The following CACNA2D1 variants were observed in gnomAD, a reference collection of about 807,000 sequenced individuals.
CACNA2D1 encodes calcium voltage-gated channel auxiliary subunit alpha2delta 1.
A neutral mutation model predicts 171.5 loss-of-function variants in CACNA2D1; 53 were observed. The ratio of observed to expected loss-of-function variants is 0.31; its 90% CI spans 0.25 to 0.39. The LOEUF (loss-of-function observed/expected upper bound fraction) is 0.39, where lower values mean the gene tolerates loss of function less well. Among genes scored for constraint, CACNA2D1 ranks in the 10% least tolerant of loss-of-function variants. The pLI is 1.00. For synonymous variants in CACNA2D1, 442 were observed against 443.1 expected, an observed-to-expected ratio of 1.00 and a Z score of 0.03; for missense variants, 903 against 1,299.8, an observed-to-expected ratio of 0.69 and a Z score of 4.69.
At chr7:82,280,966 G>T (rs1365258441) in intron 3 of CACNA2D1, among the ~76,000 whole-genome samples, 1 of 152,098 alleles carries the variant, frequency 6.6e-6, no homozygotes, top group East Asian at 1.9e-4. Context: ...ATATCATTTG[G>T]GTTTCCTTTA....
chr7:82,087,146 G>A (rs1033443027), intron 6 of CACNA2D1, among the ~76,000 whole-genome samples: 3 of 152,032 alleles, frequency 2.0e-5, no homozygotes, highest in Non-Finnish European at 2.9e-5. Flanking sequence ...ACATCAGTAC[G>A]GTTTATAAAT....
chr7:82,142,728 C>T (rs571282561), intron 4 of CACNA2D1, among the ~76,000 whole-genome samples: 68 of 152,200 alleles, frequency 4.5e-4, no homozygotes, highest in Non-Finnish European at 8.2e-4. Flanking sequence ...GTCACTTTTA[C>T]AAAATATTGC....
intron 1 of CACNA2D1, among the ~76,000 whole-genome samples, chr7:82,372,741 T>C (rs1822549887): frequency 6.6e-6 from 1 of 152,102 alleles, no homozygotes; most frequent in African/African-American, 2.4e-5. Context: ...ATACATGATA[T>C]CACCCTGTTT....
At chr7:82,034,046 A>G (rs986736401) in intron 11 of CACNA2D1, among the ~76,000 whole-genome samples, 2 of 152,092 alleles carry the variant, frequency 1.3e-5, no homozygotes, top group East Asian at 1.9e-4. Flanking sequence ...ATTTTCTTTA[A>G]CCCAGTCATC....
At chr7:82,046,271 C>T (rs1039105782) in intron 10 of CACNA2D1, among the ~76,000 whole-genome samples, 2 of 152,126 alleles carry the variant, frequency 1.3e-5, no homozygotes, top group Admixed American at 6.5e-5. Context: ...TAATTTCTGT[C>T]GTTAATCCCT....
At chr7:82,080,920 C>T (rs1809671740) in intron 7 of CACNA2D1, among the ~76,000 whole-genome samples, 1 of 152,178 alleles carries the variant, frequency 6.6e-6, no homozygotes, top group African/African-American at 2.4e-5. Flanking sequence ...TGTAGAAATG[C>T]CTACTGTTTC....
At chr7:82,315,279 A>G (rs1814978659) in intron 3 of CACNA2D1, among the ~76,000 whole-genome samples, 1 of 152,278 alleles carries the variant, frequency 6.6e-6, no homozygotes, top group East Asian at 1.9e-4. Flanking sequence ...AGCTGGTACC[A>G]TATTTAAACA....
At chr7:82,299,281 A>C (rs1254847250) in intron 3 of CACNA2D1, among the ~76,000 whole-genome samples, 2 of 152,032 alleles carry the variant, frequency 1.3e-5, no homozygotes, top group African/African-American at 4.8e-5. Flanking sequence ...TTAAAGTGGA[A>C]ACTTTTACTT....
intron 38 of CACNA2D1, among the ~76,000 whole-genome samples, chr7:81,957,219 C>T (rs908996413): frequency 2.0e-5 from 3 of 151,974 alleles, no homozygotes; most frequent in African/African-American, 7.2e-5. Flanking sequence ...TCTGTAATGA[C>T]AATTTTTACA....
intron 10 of CACNA2D1, among the ~76,000 whole-genome samples, chr7:82,051,903 G>C (rs369708606): frequency 6.6e-6 from 1 of 152,152 alleles, no homozygotes; most frequent in Non-Finnish European, 1.5e-5. Context: ...TTTCAGCTTT[G>C]CTAACAGCAG....
intron 6 of CACNA2D1, among the ~76,000 whole-genome samples, chr7:82,107,016 G>T (rs1421727782): frequency 6.6e-6 from 1 of 152,010 alleles, no homozygotes; most frequent in African/African-American, 2.4e-5. Flanking sequence ...ATTTCCTTTG[G>T]CTGTTTCTTA....
chr7:82,182,896 G>T (rs1203385731), intron 3 of CACNA2D1, among the ~76,000 whole-genome samples: 1 of 151,976 alleles, frequency 6.6e-6, no homozygotes, highest in African/African-American at 2.4e-5. Flanking sequence ...AATTAGCCGG[G>T]TATGGTGGTG....
intron 3 of CACNA2D1, among the ~76,000 whole-genome samples, chr7:82,206,566 A>C (rs375577509): frequency 6.6e-6 from 1 of 152,180 alleles, no homozygotes; most frequent in East Asian, 1.9e-4. Context: ...AATATGCCAT[A>C]AAAGATGCAA....
intron 1 of CACNA2D1, among the ~76,000 whole-genome samples, chr7:82,376,959 T>A (rs145462592): frequency 9.8e-4 from 149 of 152,354 alleles, no homozygotes; most frequent in African/African-American, 3.4e-3. Context: ...GAGATAATTA[T>A]ATACACATGA....
chr7:82,263,153 G>A (rs1053338523), intron 3 of CACNA2D1, among the ~76,000 whole-genome samples: 3 of 139,544 alleles, frequency 2.1e-5, no homozygotes, highest in Non-Finnish European at 4.5e-5. Flanking sequence ...CACCCAGGCT[G>A]GATGGGGTAC....
chr7:82,111,357 T>C (rs1364901656), intron 6 of CACNA2D1, among the ~76,000 whole-genome samples: 1 of 128,950 alleles, frequency 7.8e-6, no homozygotes, highest in Non-Finnish European at 1.7e-5. Context: ...TATATATGTG[T>C]ATATATGTAT....
intron 36 of CACNA2D1, among the ~76,000 whole-genome samples, chr7:81,960,283 T>A (rs1338004833): frequency 6.6e-6 from 1 of 152,084 alleles, no homozygotes; most frequent in Non-Finnish European, 1.5e-5. Flanking sequence ...AAACTTTCTG[T>A]GAAGATGGAA....
chr7:82,375,677 T>C (rs1048608170), intron 1 of CACNA2D1, among the ~76,000 whole-genome samples: 1 of 152,222 alleles, frequency 6.6e-6, no homozygotes, highest in Non-Finnish European at 1.5e-5. Context: ...GTGTATTTTC[T>C]CCTCCATAAA....
chr7:82,177,526 C>T (rs1333164929), intron 3 of CACNA2D1, among the ~76,000 whole-genome samples: 2 of 152,154 alleles, frequency 1.3e-5, no homozygotes, highest in East Asian at 3.9e-4. Flanking sequence ...AAATTATTTG[C>T]TGAAGGTTTT....
Sources: gnomAD v4.1 joint callset for allele counts (sites outside exome capture counted in the v4.1 genomes callset) on GRCh38, gnomAD v4.1.1 for gene constraint, MANE v1.5 for transcripts, NCBI Gene and HGNC (gene_info 2026-07-23, HGNC 2026-07-21) for gene names.